The following GRB2 variants were observed in gnomAD, a reference collection of about 807,000 sequenced individuals.
GRB2 encodes the protein growth factor receptor-bound protein 2.
In GRB2, 2 loss-of-function variants were observed where a neutral mutation model predicts 27.4. The observed-to-expected ratio is 0.07, with a 90% CI of 0.03 to 0.23. GRB2 has a LOEUF of 0.23. Among genes scored for constraint, GRB2 ranks in the 10% least tolerant of loss-of-function variants. The pLI is 1.00. For synonymous variants in GRB2, 94 were observed against 99.6 expected (o/e 0.94, Z 0.33); for missense variants, 102 against 282.4 (o/e 0.36, Z 4.58).
chr17:75,344,672 T>C (rs569475870), intron 2 of GRB2, among the ~76,000 whole-genome samples: 32 of 152,124 alleles, frequency 2.1e-4, no homozygotes, highest in African/African-American at 7.7e-4. Context: ...GATTTACAGG[T>C]GTTGAGCCAC....
chr17:75,340,732 T>C (rs756779159), intron 2 of GRB2, among the ~76,000 whole-genome samples: 7 of 152,204 alleles, frequency 4.6e-5, no homozygotes, highest in Non-Finnish European at 7.3e-5. Flanking sequence ...TTACTAACAC[T>C]TTAAATAAGT....
intron 2 of GRB2, among the ~76,000 whole-genome samples, chr17:75,333,188 G>A: frequency 6.6e-6 from 1 of 152,088 alleles, no homozygotes; most frequent in East Asian, 1.9e-4. Context: ...CGATTCTCCT[G>A]CCACAGCCTC....
chr17:75,384,823 T>C (rs1376976152), intron 2 of GRB2, among the ~76,000 whole-genome samples: 9 of 151,500 alleles, frequency 5.9e-5, no homozygotes, highest in Admixed American at 1.3e-4. Flanking sequence ...TCTATGTATA[T>C]GATAAAAAAA....
At chr17:75,338,477 C>T (rs1361520791) in intron 2 of GRB2, among the ~76,000 whole-genome samples, 1 of 152,174 alleles carries the variant, frequency 6.6e-6, no homozygotes, top group East Asian at 1.9e-4. Context: ...GGTGAGCTCA[C>T]AAAAAGTTTC....
At chr17:75,333,220 C>T (rs571334981) in intron 2 of GRB2, among the ~76,000 whole-genome samples, 2 of 152,230 alleles carry the variant, frequency 1.3e-5, no homozygotes, top group African/African-American at 4.8e-5. Context: ...GGATTACAGG[C>T]GCATGCCACG....
chr17:75,334,135 T>C (rs538632322), intron 2 of GRB2, among the ~76,000 whole-genome samples: 10 of 152,302 alleles, frequency 6.6e-5, no homozygotes, highest in Non-Finnish European at 8.8e-5. Flanking sequence ...TCCTACACTA[T>C]ACACATACCT....
intron 2 of GRB2, among the ~76,000 whole-genome samples, chr17:75,356,957 A>T (rs576729107): frequency 1.3e-5 from 2 of 151,996 alleles, no homozygotes; most frequent in Admixed American, 6.6e-5. Flanking sequence ...CTCCATCTAC[A>T]CTCATTCCTT....
chr17:75,332,167 C>T (rs2078545681), intron 3 of GRB2, among the ~76,000 whole-genome samples: 1 of 151,982 alleles, frequency 6.6e-6, no homozygotes, highest in Non-Finnish European at 1.5e-5. Flanking sequence ...ACAAGGGTAG[C>T]TTCTGAAAAA....
chr17:75,366,053 G>A (rs1463843730), intron 2 of GRB2, among the ~76,000 whole-genome samples: 1 of 151,986 alleles, frequency 6.6e-6, no homozygotes, highest in East Asian at 1.9e-4. Context: ...AATAGCGGGA[G>A]GCAGAAAGGA....
chr17:75,389,320 G>T (rs2078984108), intron 2 of GRB2, among the ~76,000 whole-genome samples: 1 of 151,946 alleles, frequency 6.6e-6, no homozygotes, highest in Non-Finnish European at 1.5e-5. Context: ...CAAGGTTCAA[G>T]TCACAACTCT....
intron 2 of GRB2, among the ~76,000 whole-genome samples, chr17:75,348,315 G>A (rs1375267706): frequency 1.3e-5 from 2 of 152,124 alleles, no homozygotes; most frequent in Non-Finnish European, 2.9e-5. Flanking sequence ...CAAAGTGCTG[G>A]GCTATAGGCA....
chr17:75,361,687 C>T (rs1306454547), intron 2 of GRB2, among the ~76,000 whole-genome samples: 1 of 152,098 alleles, frequency 6.6e-6, no homozygotes, highest in East Asian at 1.9e-4. Flanking sequence ...GGGCATTAAA[C>T]TCCCCACCAA....
intron 3 of GRB2, among the ~76,000 whole-genome samples, chr17:75,330,476 T>C (rs2078532315): frequency 6.7e-6 from 1 of 148,428 alleles, no homozygotes; most frequent in Non-Finnish European, 1.5e-5. Context: ...GAGCTCGAGA[T>C]CAGCTTGGCC....
intron 1 of GRB2, among the ~76,000 whole-genome samples, chr17:75,404,174 A>G (rs1289497402): frequency 6.6e-6 from 1 of 152,200 alleles, no homozygotes; most frequent in African/African-American, 2.4e-5. Flanking sequence ...AGAAGAAAAC[A>G]TAAGCAGGCA....
intron 2 of GRB2, among the ~76,000 whole-genome samples, chr17:75,380,930 A>G (rs996629570): frequency 6.6e-6 from 1 of 152,242 alleles, no homozygotes; most frequent in Admixed American, 6.5e-5. Flanking sequence ...TGAAGCAAAC[A>G]TTAGCTGTGC....
At chr17:75,322,397 T>C (rs2078466697) in intron 4 of GRB2, among the ~76,000 whole-genome samples, 1 of 146,620 alleles carries the variant, frequency 6.8e-6, no homozygotes, top group Admixed American at 6.8e-5. Context: ...AAAGAGTCCA[T>C]GTGCCCTGAA....
chr17:75,398,107 G>C (rs1055532120), intron 1 of GRB2, among the ~76,000 whole-genome samples: 1 of 151,948 alleles, frequency 6.6e-6, no homozygotes, highest in Non-Finnish European at 1.5e-5. Flanking sequence ...ACAGGCATGA[G>C]CCACTGCACC....
chr17:75,324,570 T>C (rs2078486243), intron 4 of GRB2, among the ~76,000 whole-genome samples: 2 of 134,810 alleles, frequency 1.5e-5, no homozygotes, highest in African/African-American at 5.6e-5. Flanking sequence ...CAGGCTAAAG[T>C]GCAATGGCGC....
At chr17:75,391,560 G>A (rs2078998480) in intron 2 of GRB2, among the ~76,000 whole-genome samples, 5 of 152,164 alleles carry the variant, frequency 3.3e-5, no homozygotes, top group Admixed American at 3.3e-4. Flanking sequence ...TGTAATCCCA[G>A]CACTTTGGGA....
Sources: gnomAD v4.1 joint callset for allele counts (sites outside exome capture counted in the v4.1 genomes callset) on GRCh38, gnomAD v4.1.1 for gene constraint, MANE v1.5 for transcripts, NCBI Gene and HGNC (gene_info 2026-07-23, HGNC 2026-07-21) for gene names.